The following RPS6KC1 variants were observed in gnomAD, a reference collection of about 807,000 sequenced individuals.
RPS6KC1 encodes ribosomal protein S6 kinase C1.
RPS6KC1 carries 54 observed loss-of-function variants against 103.8 expected under a neutral mutation model. The observed-to-expected ratio is 0.52, with a 90% confidence interval of 0.42 to 0.65. RPS6KC1 has a LOEUF of 0.65. Among genes scored for constraint, RPS6KC1 ranks in the 30% least tolerant of loss-of-function variants. The pLI, the probability that RPS6KC1 is intolerant of heterozygous loss-of-function variation, is 0.00. For synonymous variants in RPS6KC1, 439 were observed against 438.7 expected (o/e 1.00, Z -0.01); for missense variants, 1,151 against 1,253.8 (o/e 0.92, Z 1.24).
the RPS6KC1 span, among the ~76,000 whole-genome samples, chr1:213,335,919 A>G: frequency 6.6e-6 from 1 of 152,196 alleles, no homozygotes; most frequent in East Asian, 1.9e-4. Flanking sequence ...CGGTTTAGTG[A>G]TTTTCAAACT....
the RPS6KC1 span, among the ~76,000 whole-genome samples, chr1:213,356,500 C>CA: frequency 4.6e-5 from 7 of 152,046 alleles, no homozygotes; most frequent in Non-Finnish European, 1.0e-4. Context: ...ACTAAAAATA[C>CA]AAAAAATTAG....
chr1:213,620,672 TCCCTCAATAA>T, the RPS6KC1 span, among the ~76,000 whole-genome samples: 3 of 152,220 alleles, frequency 2.0e-5, no homozygotes, highest in East Asian at 5.8e-4. Flanking sequence ...ATTAATTTAT[TCCCTCAATAA>T]CCCTGACATA....
rs1198607585 is a variant in RPS6KC1 at position 213,241,601 on chromosome 1, G to A, written c.2125G>A (p.Gly709Arg). 6.2e-7 allele frequency: 1 copy of A among 1,613,810 alleles called. No individual in the cohort carries two copies. The highest frequency in any genetic ancestry group is 1.7e-5 in the Admixed American group (1 of 59,934). The change falls in exon 11 of 15, where the codon GGA becomes AGA. Residue 709 changes from glycine to arginine, a missense_variant. Coordinates refer to ENST00000366960, the MANE Select transcript of RPS6KC1 (RefSeq NM_012424.6). ...GTCAACAAGAGAAGCTGCAGCAATG[G>A]GACCTACTAAGTTTACACAAACTAA... is the stretch of plus-strand genomic sequence containing the variant. ...LESTREAAAM[G>R]PTKFTQTNIG...
At chr1:213,503,073 T>C in the RPS6KC1 span, among the ~76,000 whole-genome samples, 1 of 152,128 alleles carries the variant, frequency 6.6e-6, no homozygotes, top group Non-Finnish European at 1.5e-5. Flanking sequence ...GCTTTTTTTT[T>C]CTTTTGTATT....
the RPS6KC1 span, among the ~76,000 whole-genome samples, chr1:213,570,856 G>T: frequency 6.6e-6 from 1 of 152,302 alleles, no homozygotes; most frequent in East Asian, 1.9e-4. Flanking sequence ...AGCCTAACCA[G>T]AAGGGGCAGA....
the RPS6KC1 span, among the ~76,000 whole-genome samples, chr1:213,600,153 C>T: frequency 6.6e-6 from 1 of 152,148 alleles, no homozygotes; most frequent in African/African-American, 2.4e-5. Context: ...TTGCCTTCCA[C>T]CATGAGTGTA....
the RPS6KC1 span, among the ~76,000 whole-genome samples, chr1:213,584,848 T>C: frequency 6.6e-6 from 1 of 152,182 alleles, no homozygotes; most frequent in East Asian, 1.9e-4. Flanking sequence ...AACCACACTT[T>C]GAGAAACACT....
chr1:213,052,538 A>G (rs2077034520), intron 1 of RPS6KC1, among the ~76,000 whole-genome samples: 1 of 152,104 alleles, frequency 6.6e-6, no homozygotes, highest in African/African-American at 2.4e-5. Context: ...GCAGGCCTTC[A>G]GAATAATTTT....
chr1:213,655,112 G>A, the RPS6KC1 span, among the ~76,000 whole-genome samples: 31 of 152,104 alleles, frequency 2.0e-4, no homozygotes, highest in African/African-American at 7.2e-4. Context: ...GCATGATCTC[G>A]GCTCACTGCA....
chr1:213,257,781 T>C (rs2094683562), intron 12 of RPS6KC1, among the ~76,000 whole-genome samples: 1 of 128,206 alleles, frequency 7.8e-6, no homozygotes, highest in South Asian at 2.6e-4. Context: ...TGTAAACAGG[T>C]AAAACTTTTT....
the RPS6KC1 span, among the ~76,000 whole-genome samples, chr1:213,827,864 G>A: frequency 5.9e-5 from 9 of 152,000 alleles, no homozygotes; most frequent in South Asian, 2.1e-4. Context: ...TTTTAACTTC[G>A]GCTAATAATC....
chr1:213,685,672 C>T, the RPS6KC1 span, among the ~76,000 whole-genome samples: 1 of 151,002 alleles, frequency 6.6e-6, no homozygotes, highest in Non-Finnish European at 1.5e-5. Flanking sequence ...AAAAAACCTA[C>T]ATCGCACATT....
chr1:213,376,011 G>T, the RPS6KC1 span, among the ~76,000 whole-genome samples: 1 of 152,022 alleles, frequency 6.6e-6, no homozygotes, highest in Non-Finnish European at 1.5e-5. Flanking sequence ...GCTTGGGTCA[G>T]ATGTCCACCC....
the RPS6KC1 span, among the ~76,000 whole-genome samples, chr1:213,526,021 T>G: frequency 4.6e-5 from 7 of 152,032 alleles, no homozygotes; most frequent in African/African-American, 1.7e-4. Flanking sequence ...TGTTGATTTT[T>G]AAAAAATGGG....
At chr1:213,684,026 T>G in the RPS6KC1 span, among the ~76,000 whole-genome samples, 1 of 152,182 alleles carries the variant, frequency 6.6e-6, no homozygotes, top group African/African-American at 2.4e-5. Context: ...TTGAAGCATG[T>G]AGGGTTGCTA....
At chr1:213,477,164 G>A in the RPS6KC1 span, among the ~76,000 whole-genome samples, 3 of 152,010 alleles carry the variant, frequency 2.0e-5, no homozygotes, top group African/African-American at 7.3e-5. Context: ...TCTAATGTAG[G>A]GCCAGGACAC....
chr1:213,231,910 G>A (rs143831606), intron 9 of RPS6KC1, among the ~76,000 whole-genome samples: 2 of 152,320 alleles, frequency 1.3e-5, no homozygotes, highest in African/African-American at 4.8e-5. Flanking sequence ...TTTAATGGCA[G>A]CTTTGTGGCA....
chr1:213,857,946 CTT>C, the RPS6KC1 span, among the ~76,000 whole-genome samples: 17 of 152,176 alleles, frequency 1.1e-4, no homozygotes, highest in African/African-American at 4.1e-4. Context: ...GAGAGGGACT[CTT>C]GGCCAAAGGC....
At chr1:213,502,425 A>C in the RPS6KC1 span, among the ~76,000 whole-genome samples, 1 of 152,246 alleles carries the variant, frequency 6.6e-6, no homozygotes, top group South Asian at 2.1e-4. Flanking sequence ...GACATTAATA[A>C]GATATAAAAT....
Sources: gnomAD v4.1 joint callset for allele counts (sites outside exome capture counted in the v4.1 genomes callset) on GRCh38, gnomAD v4.1.1 for gene constraint, MANE v1.5 for transcripts, NCBI Gene and HGNC (gene_info 2026-07-23, HGNC 2026-07-21) for gene names.